Variants in AGBL1 observed in about 807,000 individuals in gnomAD.
AGBL1 encodes cytosolic carboxypeptidase 4.
A neutral mutation model predicts 118.9 loss-of-function variants in AGBL1; 130 were observed. The observed-to-expected ratio is 1.09, with a 90% CI of 0.95 to 1.26. The LOEUF (loss-of-function observed/expected upper bound fraction) is 1.26. Among genes scored for constraint, AGBL1 ranks in the 50% most tolerant of loss-of-function variants. The probability of loss-of-function intolerance (pLI) is 0.00; values close to 1 mark genes in which losing one functional copy is unlikely to be tolerated. For synonymous variants in AGBL1, 555 were observed against 478.9 expected (o/e 1.16, Z -2.08); for missense variants, 1,584 against 1,298.1 (o/e 1.22, Z -3.38).
At chr15:86,081,146 C>A (rs960184858) in intron 1 of AGBL1, among the ~76,000 whole-genome samples, 1 of 152,136 alleles carries the variant, frequency 6.6e-6, no homozygotes, top group Non-Finnish European at 1.5e-5. Flanking sequence ...CAGGTTCAAG[C>A]AATTCTCCTG....
At chr15:87,008,808 T>G (rs1192585023) in intron 24 of AGBL1, among the ~76,000 whole-genome samples, 1 of 152,182 alleles carries the variant, frequency 6.6e-6, no homozygotes, top group Non-Finnish European at 1.5e-5. Context: ...GCTAAGAGAT[T>G]GATGGCACTT....
At chr15:87,020,221 G>A (rs2081650850) in intron 24 of AGBL1, among the ~76,000 whole-genome samples, 1 of 150,360 alleles carries the variant, frequency 6.7e-6, no homozygotes, top group Admixed American at 6.6e-5. Context: ...GAATGTCATT[G>A]ATCACATAAA....
intron 17 of AGBL1, among the ~76,000 whole-genome samples, chr15:86,363,100 G>T (rs1482404984): frequency 6.6e-6 from 1 of 152,070 alleles, no homozygotes; most frequent in Admixed American, 6.6e-5. Flanking sequence ...TGGTAAGACT[G>T]CCACTGGGAC....
At chr15:86,847,264 G>A (rs2079333212) in intron 22 of AGBL1, among the ~76,000 whole-genome samples, 1 of 152,202 alleles carries the variant, frequency 6.6e-6, no homozygotes, top group Non-Finnish European at 1.5e-5. Context: ...CTCAAAGACA[G>A]TTTCTAATCA....
At chr15:86,646,560 G>C (rs1320221957) in intron 21 of AGBL1, among the ~76,000 whole-genome samples, 3 of 152,122 alleles carry the variant, frequency 2.0e-5, no homozygotes, top group Non-Finnish European at 2.9e-5. Context: ...TCAAGACTCT[G>C]TGCCCTGAGT....
intron 23 of AGBL1, among the ~76,000 whole-genome samples, chr15:86,973,669 G>A (rs934421954): frequency 3.3e-5 from 5 of 151,666 alleles, no homozygotes; most frequent in Non-Finnish European, 7.4e-5. Context: ...CTATTCTCCA[G>A]GCAGAAAGAG....
Position 86,785,520 on chromosome 15 carries a change from G to A in AGBL1, c.3158+111084G>A, listed in dbSNP as rs115438193. 8.0e-3 allele frequency among the ~76,000 whole-genome samples: 1,207 copies of A among 151,718 alleles called. 18 individuals carry two copies. The highest frequency in any genetic ancestry group is 0.028 in the African/African-American group (1,149 of 41,372). The stretch of plus-strand genomic sequence containing the variant: ...CTCCCAAGTAGCTAGGACTACAGGC[G>A]CACATCACCACTAATTTTTGTATTT... On this transcript the variant is annotated intron_variant, in intron 22 of 22. Coordinates refer to ENST00000614907, the MANE Select transcript of AGBL1 (RefSeq NM_001386094.1).
intron 18 of AGBL1, among the ~76,000 whole-genome samples, chr15:86,449,483 C>T (rs1421319763): frequency 6.6e-6 from 1 of 152,326 alleles, no homozygotes. Flanking sequence ...ATGGAGATGG[C>T]AAGACCTGGG....
At chr15:86,361,620 G>A (rs1022301244) in intron 17 of AGBL1, among the ~76,000 whole-genome samples, 1 of 151,760 alleles carries the variant, frequency 6.6e-6, no homozygotes. Context: ...TATATATTTA[G>A]GTTCTTTGAT....
At chr15:86,485,694 A>G (rs1363110580) in intron 18 of AGBL1, among the ~76,000 whole-genome samples, 2 of 152,282 alleles carry the variant, frequency 1.3e-5, no homozygotes, top group East Asian at 1.9e-4. Flanking sequence ...ATACAAAAGC[A>G]GATGATGGGT....
At chr15:86,422,038 C>T (rs1567249391) in intron 18 of AGBL1, among the ~76,000 whole-genome samples, 1 of 151,850 alleles carries the variant, frequency 6.6e-6, no homozygotes, top group Non-Finnish European at 1.5e-5. Context: ...ATTAGATCAA[C>T]GAGACAGAAA....
chr15:86,165,485 T>C (rs1043498751), intron 5 of AGBL1, among the ~76,000 whole-genome samples: 12 of 152,154 alleles, frequency 7.9e-5, no homozygotes, highest in African/African-American at 2.9e-4. Flanking sequence ...TGAGTGAGAC[T>C]CAGCCAGAGC....
intron 18 of AGBL1, among the ~76,000 whole-genome samples, chr15:86,479,970 C>G (rs1017447541): frequency 6.6e-6 from 1 of 151,816 alleles, no homozygotes; most frequent in Non-Finnish European, 1.5e-5. Context: ...TCATTCTCAG[C>G]AAACTATCGC....
intron 18 of AGBL1, among the ~76,000 whole-genome samples, chr15:86,404,815 T>G (rs2081499878): frequency 6.6e-6 from 1 of 152,230 alleles, no homozygotes; most frequent in Non-Finnish European, 1.5e-5. Flanking sequence ...GCCATGCTGC[T>G]GGTACCCATG....
At position 86,659,529 on chromosome 15, in the gene AGBL1, G is replaced by T. The variant is rs1413547826; in HGVS notation, c.2995-14744G>T. Reference sequence around the variant, plus strand: ...ACTGTTGCCCCTTTGCAGAATTTCAGCAGTATGCTCCTATCTTCTGCTACC... The same window carrying T: ...ACTGTTGCCCCTTTGCAGAATTTCATCAGTATGCTCCTATCTTCTGCTACC... On this transcript the variant is annotated intron_variant, in intron 21 of 22. Transcript: ENST00000614907. Among the ~76,000 whole-genome samples the T allele has an allele frequency of 3.3e-5, 5 of 152,224 alleles. No homozygotes were observed. The East Asian group carries it at 5.8e-4, about 18-fold the overall frequency.
chr15:86,694,532 C>T (rs1269752015), intron 22 of AGBL1, among the ~76,000 whole-genome samples: 2 of 151,994 alleles, frequency 1.3e-5, no homozygotes, highest in African/African-American at 4.8e-5. Context: ...ACGATCACAT[C>T]ATCAGCAAAC....
chr15:86,342,533 A>C (rs1014247319), intron 17 of AGBL1, among the ~76,000 whole-genome samples: 1 of 152,144 alleles, frequency 6.6e-6, no homozygotes, highest in Non-Finnish European at 1.5e-5. Flanking sequence ...ACAAACTCTC[A>C]TGTGGATGCC....
chr15:86,431,736 A>G (rs2081938153), intron 18 of AGBL1, among the ~76,000 whole-genome samples: 1 of 152,170 alleles, frequency 6.6e-6, no homozygotes, highest in African/African-American at 2.4e-5. Context: ...TTTTGGACTG[A>G]GTTGTGGTCA....
chr15:86,251,580 A>G (rs949358634), intron 7 of AGBL1, among the ~76,000 whole-genome samples: 1 of 152,140 alleles, frequency 6.6e-6, no homozygotes, highest in Non-Finnish European at 1.5e-5. Flanking sequence ...CACCTTTGCC[A>G]TCATAATATT....
Sources: allele counts gnomAD v4.1 joint callset (sites outside exome capture counted in the v4.1 genomes callset), GRCh38; gene constraint gnomAD v4.1.1; transcripts MANE v1.5; gene names NCBI Gene and HGNC (gene_info 2026-07-23, HGNC 2026-07-21).